Variants in CYP4X1 observed in about 807,000 individuals in gnomAD.
CYP4X1 encodes the protein cytochrome P450 4X1.
Under a neutral mutation model 57.9 loss-of-function variants are expected in CYP4X1, and 44 were observed. That is an observed-to-expected ratio of 0.76 (90% confidence interval 0.60 to 0.98). The LOEUF (loss-of-function observed/expected upper bound fraction) is 0.98. Ranked by LOEUF, CYP4X1 falls within the 50% of genes least tolerant of loss-of-function variation. The pLI is 0.00. For synonymous variants in CYP4X1, 227 were observed against 228.6 expected, an observed-to-expected ratio of 0.99 and a Z score of 0.06; for missense variants, 532 against 623.9, an observed-to-expected ratio of 0.85 and a Z score of 1.57.
At chr1:47,008,195 G>A in the CYP4X1 span, among the ~76,000 whole-genome samples, 1 of 152,210 alleles carries the variant, frequency 6.6e-6, no homozygotes, top group Non-Finnish European at 1.5e-5. Flanking sequence ...TACCCACAAA[G>A]GGAAGCCCAT....
At chr1:47,006,391 G>A in the CYP4X1 span, among the ~76,000 whole-genome samples, 15 of 152,298 alleles carry the variant, frequency 9.8e-5, no homozygotes, top group Middle Eastern at 6.8e-3. Context: ...CCCAGAAAGC[G>A]TTATGTTATT....
chr1:46,988,447 A>T, the CYP4X1 span, among the ~76,000 whole-genome samples: 1 of 152,196 alleles, frequency 6.6e-6, no homozygotes, highest in African/African-American at 2.4e-5. Flanking sequence ...GCCAAATTCT[A>T]CCAGAGGTAC....
intron 8 of CYP4X1, among the ~76,000 whole-genome samples, chr1:47,039,883 T>G (rs1409468634): frequency 6.6e-6 from 1 of 152,164 alleles, no homozygotes; most frequent in East Asian, 1.9e-4. Flanking sequence ...GTGGAGCTCC[T>G]CTTCTGAGAG....
chr1:46,975,590 T>G, the CYP4X1 span, among the ~76,000 whole-genome samples: 525 of 152,226 alleles, frequency 3.4e-3, 9 homozygotes, highest in African/African-American at 0.012. Flanking sequence ...CTAGCTGCAT[T>G]TCATATGTTT....
chr1:47,012,566 A>G, the CYP4X1 span, among the ~76,000 whole-genome samples: 1 of 152,228 alleles, frequency 6.6e-6, no homozygotes, highest in Non-Finnish European at 1.5e-5. Flanking sequence ...ATAATAAAAA[A>G]AACTATCGAT....
the CYP4X1 span, among the ~76,000 whole-genome samples, chr1:47,010,022 A>G: frequency 1.3e-5 from 2 of 152,252 alleles, no homozygotes; most frequent in Non-Finnish European, 2.9e-5. Flanking sequence ...AACTCTTCCA[A>G]TCAATAGAGA....
chr1:46,976,610 G>A, the CYP4X1 span, among the ~76,000 whole-genome samples: 7 of 152,280 alleles, frequency 4.6e-5, no homozygotes, highest in Non-Finnish European at 7.4e-5. Flanking sequence ...CTCCCAGCAT[G>A]GTGTTTGAGC....
chr1:47,030,729 T>G (rs1199979134), intron 2 of CYP4X1, among the ~76,000 whole-genome samples: 1 of 152,208 alleles, frequency 6.6e-6, no homozygotes, highest in African/African-American at 2.4e-5. Context: ...CCCTGTCAAC[T>G]TTGTAAAAGG....
At position 47,048,633 on chromosome 1, in the gene CYP4X1, T is replaced by C; in HGVS notation, c.1272+4T>C. On this transcript the variant is annotated splice_donor_region_variant and intron_variant, in intron 10 of 11. Transcript: ENST00000371901. ...TGCTGTCTGGAAAAACCCAAAGGTA[T>C]GATTCTCTCTTGTACATAAATACTT... The C allele has an allele frequency of 6.2e-7, 1 of 1,610,918 alleles. No homozygotes were observed. The highest frequency in any genetic ancestry group is 8.5e-7 in the Non-Finnish European group (1 of 1,179,108).
rs1644338619 is a variant in CYP4X1 at position 47,049,486 on chromosome 1, C to A, written c.1337C>A (p.Pro446Gln). ...CAGAGACACCCCTATGCCTACTTAC[C>A]ATTCTCAGCTGGATCAAGGTGAGAA... is the stretch of plus-strand genomic sequence containing the variant. Reference protein sequence around the residue: ...SDQRHPYAYLPFSAGSRNCIG... With the variant: ...SDQRHPYAYLQFSAGSRNCIG... Residue 446 changes from proline to glutamine, a missense_variant, in exon 11 of 12, where the codon CCA (proline) becomes CAA (glutamine). Physicochemically the swap from Pro to Gln is moderately conservative, Grantham distance 76. Transcript: ENST00000371901. 2 of 1,613,910 alleles carry A rather than the reference C, an allele frequency of 1.2e-6. No individual in the cohort carries two copies. The highest frequency in any genetic ancestry group is 1.7e-6 in the Non-Finnish European group (2 of 1,179,978).
Position 47,050,062 on chromosome 1 carries a change from T to C in CYP4X1, c.1418T>C (p.Leu473Pro). ...AAGGTAACCATTGCCTTGATTCTGC[T>C]CCACTTCAGAGTGACTCCAGACCCC... ...ELKVTIALIL[L>P]HFRVTPDPTR... is the part of the protein sequence containing the mutation. Residue 473 changes from leucine (L) to proline (P), a missense_variant, in exon 12 of 12, where the codon CTC becomes CCC. Physicochemically the swap from Leu to Pro is moderately conservative, Grantham distance 98. Coordinates refer to ENST00000371901, the MANE Select transcript of CYP4X1 (RefSeq NM_178033.2). The C allele has an allele frequency of 1.2e-6, 2 of 1,614,032 alleles. No individual in the cohort carries two copies. Among genetic ancestry groups the C allele is most frequent in the Non-Finnish European group, 1.7e-6 (2 of 1,179,996 alleles).
rs1644030304 is a variant in CYP4X1 at position 47,023,937 on chromosome 1, G to T, written c.120G>T (p.Leu40=). 1 of 1,613,434 alleles carries T rather than the reference G, an allele frequency of 6.2e-7. No homozygotes were observed. The highest frequency in any genetic ancestry group is 2.2e-5 in the East Asian group (1 of 44,880). Reference sequence around the variant, plus strand: ...TGTACCTGCGGAGGCAGCGGCTGCTGCGGGACCTGCGCCCCTTCCCAGCGC... The same window carrying T: ...TGTACCTGCGGAGGCAGCGGCTGCTTCGGGACCTGCGCCCCTTCCCAGCGC... ...IKLYLRRQRL[L]RDLRPFPAPP... Residue 40 remains leucine, a synonymous_variant, in exon 1 of 12, where the codon CTG becomes CTT. Coordinates refer to ENST00000371901, the MANE Select transcript of CYP4X1 (RefSeq NM_178033.2).
chr1:46,989,262 A>G, the CYP4X1 span, among the ~76,000 whole-genome samples: 1 of 152,184 alleles, frequency 6.6e-6, no homozygotes, highest in African/African-American at 2.4e-5. Context: ...ATAATCGACA[A>G]ACAGAGAGCC....
the CYP4X1 span, among the ~76,000 whole-genome samples, chr1:47,016,294 G>T: frequency 6.6e-6 from 1 of 151,320 alleles, no homozygotes; most frequent in Non-Finnish European, 1.5e-5. Flanking sequence ...AGCTGAACAT[G>T]CAAAGAGATA....
the CYP4X1 span, among the ~76,000 whole-genome samples, chr1:47,007,704 A>G: frequency 6.6e-6 from 1 of 152,240 alleles, no homozygotes; most frequent in African/African-American, 2.4e-5. Flanking sequence ...ATGGCTAACT[A>G]GAATAACCCA....
chr1:47,006,576 G>A, the CYP4X1 span, among the ~76,000 whole-genome samples: 1 of 152,224 alleles, frequency 6.6e-6, no homozygotes, highest in South Asian at 2.1e-4. Context: ...GAGTGTCAGA[G>A]AGTGGGTTCA....
At chr1:47,054,285 T>C (rs1384184625), downstream of CYP4X1, among the ~76,000 whole-genome samples, 2 of 152,200 alleles carry the variant, frequency 1.3e-5, no homozygotes, top group East Asian at 3.9e-4. Flanking sequence ...TATATCTCTG[T>C]TTTGGTACCA....
intron 3 of CYP4X1, among the ~76,000 whole-genome samples, chr1:47,032,839 C>T (rs1481630303): frequency 6.6e-6 from 1 of 152,120 alleles, no homozygotes; most frequent in Non-Finnish European, 1.5e-5. Context: ...TATGTATTCA[C>T]TTTCAGTTAA....
At chr1:47,010,609 G>A in the CYP4X1 span, among the ~76,000 whole-genome samples, 1 of 152,192 alleles carries the variant, frequency 6.6e-6, no homozygotes, top group Non-Finnish European at 1.5e-5. Context: ...TAGGAAAAGA[G>A]AAAGTCAAAT....
Sources: gnomAD v4.1 joint callset for allele counts (sites outside exome capture counted in the v4.1 genomes callset) on GRCh38, gnomAD v4.1.1 for gene constraint, MANE v1.5 for transcripts, NCBI Gene and HGNC (gene_info 2026-07-23, HGNC 2026-07-21) for gene names.